CFTR: variants seen among roughly 807,000 people sequenced by gnomAD.
The protein encoded by CFTR is CF transmembrane conductance regulator.
Under a neutral mutation model 171.6 loss-of-function variants are expected in CFTR, and 181 were observed. The ratio of observed to expected loss-of-function variants is 1.05; its 90% CI spans 0.93 to 1.19. The LOEUF is 1.19. Among genes scored for constraint, CFTR ranks in the 50% most tolerant of loss-of-function variants. The probability of loss-of-function intolerance (pLI) is 0.00; values close to 1 mark genes in which losing one functional copy is unlikely to be tolerated. For missense variants in CFTR, 1,968 were observed against 1,734.7 expected, an observed-to-expected ratio of 1.13 and a Z score of -2.39; for synonymous variants, 583 against 608.0, an observed-to-expected ratio of 0.96 and a Z score of 0.60.
chr7:117,638,380 C>G (rs1792858882), intron 22 of CFTR, among the ~76,000 whole-genome samples: 1 of 152,106 alleles, frequency 6.6e-6, no homozygotes, highest in Non-Finnish European at 1.5e-5. Flanking sequence ...TATCTTAACA[C>G]ATTTTAAATA....
At chr7:117,654,130 G>A (rs1167864859) in intron 24 of CFTR, among the ~76,000 whole-genome samples, 13 of 152,178 alleles carry the variant, frequency 8.5e-5, no homozygotes, top group Admixed American at 5.2e-4. Context: ...TTTGTGGCAG[G>A]TCTGTGCTCC....
intron 11 of CFTR, among the ~76,000 whole-genome samples, chr7:117,569,456 C>T (rs540763034): frequency 4.6e-5 from 7 of 151,576 alleles, no homozygotes; most frequent in South Asian, 2.1e-4. Flanking sequence ...GATGATAACC[C>T]GATAATCAAA....
At chr7:117,615,373 T>A (rs1333304889) in intron 21 of CFTR, among the ~76,000 whole-genome samples, 1 of 152,040 alleles carries the variant, frequency 6.6e-6, no homozygotes, top group Non-Finnish European at 1.5e-5. Context: ...TTAAGTTTAA[T>A]AAAGTTCAAT....
intron 11 of CFTR, among the ~76,000 whole-genome samples, chr7:117,572,861 A>C (rs1318806061): frequency 6.6e-6 from 1 of 152,078 alleles, no homozygotes. Context: ...CAAGCTTCTT[A>C]CCCTCCTCCC....
intron 24 of CFTR, among the ~76,000 whole-genome samples, chr7:117,654,666 C>A (rs1484783263): frequency 2.0e-5 from 3 of 152,178 alleles, no homozygotes; most frequent in Non-Finnish European, 4.4e-5. Context: ...AGACATAACT[C>A]TTTCCCTTCC....
In CFTR at chr7:117,638,273, C is replaced by T. The variant is rs991801612; in HGVS notation, c.3718-4165C>T. Among the ~76,000 whole-genome samples, 7 of 152,280 alleles carry T rather than the reference C, an allele frequency of 4.6e-5. 1 individual carries two copies. The Middle Eastern group carries it at 0.017, about 370-fold the overall frequency. ...AGTGTGCTCTGCTTTTTACTTGTTA[C>T]GATGAAGCCAACCACTTTCAGAATT... On this transcript the variant is annotated intron_variant, in intron 22 of 26. Coordinates refer to ENST00000003084, the MANE Select transcript of CFTR (RefSeq NM_000492.4).
chr7:117,589,782 G>A (rs1339210135), intron 12 of CFTR, among the ~76,000 whole-genome samples: 1 of 151,940 alleles, frequency 6.6e-6, no homozygotes, highest in Non-Finnish European at 1.5e-5. Flanking sequence ...TGTTGATAGT[G>A]GTTAACACTT....
intron 1 of CFTR, among the ~76,000 whole-genome samples, chr7:117,487,249 T>C (rs1584767351): frequency 6.6e-6 from 1 of 152,252 alleles, no homozygotes; most frequent in Middle Eastern, 3.4e-3. Flanking sequence ...GGTGACAGTT[T>C]TATAAATATG....
At chr7:117,611,486 T>C (rs1792384060) in intron 19 of CFTR, 95 bp from the exon 20 acceptor site, 1 of 794,250 alleles carries the variant, frequency 1.3e-6, no homozygotes, top group Non-Finnish European at 2.2e-6. Flanking sequence ...TGTGATATGA[T>C]TATTCTAATT....
rs770273307 is a variant in CFTR at position 117,592,018 on chromosome 7, A to T, written c.1851A>T (p.Leu617Phe). ...ATTTAAAGAAAGCTGACAAAATATT[A>T]ATTTTGCATGAAGGTAGCAGCTATT... ...MEHLKKADKI[L>F]ILHEGSSYFY... The change falls in exon 14 of 27, where the codon TTA (leucine) becomes TTT (phenylalanine). Residue 617 changes from leucine (L) to phenylalanine (F), a missense_variant. Transcript: ENST00000003084. The T allele has an allele frequency of 6.3e-7, 1 of 1,593,062 alleles. No homozygotes were observed. The highest frequency in any genetic ancestry group is 2.2e-5 in the East Asian group (1 of 44,776).
At chr7:117,624,985 T>C (rs1421505044) in intron 21 of CFTR, among the ~76,000 whole-genome samples, 1 of 152,300 alleles carries the variant, frequency 6.6e-6, no homozygotes, top group African/African-American at 2.4e-5. Context: ...AGCCCACGAC[T>C]ACAAGGAATT....
At chr7:117,593,698 C>G (rs1792074384) in intron 14 of CFTR, among the ~76,000 whole-genome samples, 1 of 152,106 alleles carries the variant, frequency 6.6e-6, no homozygotes, top group Non-Finnish European at 1.5e-5. Flanking sequence ...TGGGTTCAAG[C>G]TAATCTCCTG....
chr7:117,509,348 A>G (rs2116642075), intron 3 of CFTR, among the ~76,000 whole-genome samples: 1 of 152,304 alleles, frequency 6.6e-6, no homozygotes, highest in Non-Finnish European at 1.5e-5. Context: ...GTGGCAATTT[A>G]CAATCTCAAT....
intron 11 of CFTR, among the ~76,000 whole-genome samples, chr7:117,587,249 C>A (rs947854051): frequency 2.0e-5 from 3 of 151,998 alleles, no homozygotes; most frequent in South Asian, 2.1e-4. Flanking sequence ...TGCCTTGGAC[C>A]CATGGAAGCC....
chr7:117,571,790 A>C (rs1791693311), intron 11 of CFTR, among the ~76,000 whole-genome samples: 1 of 152,128 alleles, frequency 6.6e-6, no homozygotes, highest in African/African-American at 2.4e-5. Context: ...TATTAAACAG[A>C]GTTACATATA....
At chr7:117,482,051 A>G (rs1206140795) in intron 1 of CFTR, among the ~76,000 whole-genome samples, 1 of 152,244 alleles carries the variant, frequency 6.6e-6, no homozygotes, top group Non-Finnish European at 1.5e-5. Context: ...TTTCACATTC[A>G]TCACAGTACA....
chr7:117,665,004 A>G (rs776394537), intron 25 of CFTR, 144 bp downstream of exon 25: 22 of 878,698 alleles, frequency 2.5e-5, no homozygotes, highest in Non-Finnish European at 3.6e-5. Context: ...CCCAGTGGAA[A>G]TGAGCATAAA....
At chr7:117,508,650 G>A (rs1443718524) in intron 2 of CFTR, among the ~76,000 whole-genome samples, 1 of 152,178 alleles carries the variant, frequency 6.6e-6, no homozygotes, top group Non-Finnish European at 1.5e-5. Context: ...AAAGATCAAG[G>A]TATAAGGGAA....
At chr7:117,544,748 T>C (rs1481285249) in intron 9 of CFTR, among the ~76,000 whole-genome samples, 1 of 152,230 alleles carries the variant, frequency 6.6e-6, no homozygotes, top group East Asian at 1.9e-4. Context: ...GCCCAAAACC[T>C]TATCACTCTT....
Sources: allele counts gnomAD v4.1 joint callset (sites outside exome capture counted in the v4.1 genomes callset), GRCh38; gene constraint gnomAD v4.1.1; transcripts MANE v1.5; gene names NCBI Gene and HGNC (gene_info 2026-07-23, HGNC 2026-07-21).